Variants in PPP1R9A observed in about 807,000 individuals in gnomAD.
The protein encoded by PPP1R9A is protein phosphatase 1 regulatory subunit 9A, also known as neurabin-1.
In PPP1R9A, 59 loss-of-function variants were observed where a neutral mutation model predicts 141.9. That is an observed-to-expected ratio of 0.42 (90% confidence interval 0.34 to 0.52). The LOEUF (loss-of-function observed/expected upper bound fraction) is 0.52. Ranked by LOEUF, PPP1R9A falls within the 20% of genes least tolerant of loss-of-function variation. PPP1R9A has a pLI of 0.10. For synonymous variants in PPP1R9A, 500 were observed against 569.7 expected (o/e 0.88, Z 1.74); for missense variants, 1,444 against 1,611.9 (o/e 0.90, Z 1.78).
intron 2 of PPP1R9A, among the ~76,000 whole-genome samples, chr7:94,987,036 T>C (rs1800941439): frequency 6.6e-6 from 1 of 152,200 alleles, no homozygotes; most frequent in Non-Finnish European, 1.5e-5. Flanking sequence ...TAACATGAAC[T>C]ATCCAGTTCC....
At chr7:95,000,176 T>C (rs530743774) in intron 2 of PPP1R9A, among the ~76,000 whole-genome samples, 51 of 152,174 alleles carry the variant, frequency 3.4e-4, no homozygotes, top group Non-Finnish European at 6.8e-4. Flanking sequence ...CGGCAAAATT[T>C]TTCATACCCA....
chr7:95,164,454 A>G (rs1004118479), intron 5 of PPP1R9A, among the ~76,000 whole-genome samples: 2 of 151,874 alleles, frequency 1.3e-5, no homozygotes, highest in Middle Eastern at 3.2e-3. Context: ...TCAGACTGTA[A>G]CTAGATCTGT....
At chr7:95,270,332 C>T (rs1371544264) in intron 14 of PPP1R9A, among the ~76,000 whole-genome samples, 2 of 152,134 alleles carry the variant, frequency 1.3e-5, no homozygotes, top group African/African-American at 4.8e-5. Flanking sequence ...TACTTTTGGT[C>T]TATCAAGTTA....
At chr7:95,140,262 G>A (rs1300619662) in intron 4 of PPP1R9A, among the ~76,000 whole-genome samples, 1 of 152,200 alleles carries the variant, frequency 6.6e-6, no homozygotes, top group Non-Finnish European at 1.5e-5. Flanking sequence ...CCTACTGTAT[G>A]AGAGAACAGA....
chr7:94,989,698 C>T (rs565558102), intron 2 of PPP1R9A, among the ~76,000 whole-genome samples: 3 of 152,016 alleles, frequency 2.0e-5, no homozygotes, highest in Non-Finnish European at 4.4e-5. Flanking sequence ...TGAGAACCAT[C>T]GGCTTAATGT....
At chr7:95,247,329 A>G (rs1798245455) in intron 8 of PPP1R9A, 144 bp from the exon 9 acceptor site, 1 of 581,022 alleles carries the variant, frequency 1.7e-6, no homozygotes, top group Non-Finnish European at 3.1e-6. Context: ...TTCACACAGT[A>G]GACACTTTAA....
At chr7:95,246,654 C>T (rs1798156519) in intron 8 of PPP1R9A, among the ~76,000 whole-genome samples, 1 of 152,176 alleles carries the variant, frequency 6.6e-6, no homozygotes, top group Non-Finnish European at 1.5e-5. Context: ...CCAAAAACAT[C>T]TGGCCCCAAG....
At chr7:95,194,674 A>G (rs895464918) in intron 5 of PPP1R9A, among the ~76,000 whole-genome samples, 2 of 151,962 alleles carry the variant, frequency 1.3e-5, no homozygotes, top group African/African-American at 2.4e-5. Flanking sequence ...TTTAAAAACA[A>G]ATAACCAGAA....
At chr7:94,972,905 A>C (rs1408643972) in intron 2 of PPP1R9A, among the ~76,000 whole-genome samples, 2 of 152,192 alleles carry the variant, frequency 1.3e-5, no homozygotes. Flanking sequence ...TCTAAATTTA[A>C]TACACTCTTA....
intron 4 of PPP1R9A, among the ~76,000 whole-genome samples, chr7:95,145,590 G>A (rs1827457600): frequency 6.6e-6 from 1 of 152,210 alleles, no homozygotes; most frequent in South Asian, 2.1e-4. Context: ...CACTTTGAAT[G>A]TCAGTGGTTT....
At chr7:95,030,917 C>T (rs753255523) in intron 2 of PPP1R9A, among the ~76,000 whole-genome samples, 11 of 152,172 alleles carry the variant, frequency 7.2e-5, no homozygotes, top group Non-Finnish European at 1.5e-4. Flanking sequence ...GCCCTTTCCT[C>T]CTGGGGTTTC....
At position 95,272,020 on chromosome 7, in the gene PPP1R9A, C is replaced by T. The variant is rs573018020; in HGVS notation, c.3125-1879C>T. On this transcript the variant is annotated intron_variant, in intron 14 of 19. Transcript: ENST00000433360. Reference sequence around the variant, plus strand: ...GCATTCATTTCAGTGTTCCTGGGAACGCACTTTGGCAAATGTGTGAGATAA... The same window carrying T: ...GCATTCATTTCAGTGTTCCTGGGAATGCACTTTGGCAAATGTGTGAGATAA... 4.6e-5 allele frequency among the ~76,000 whole-genome samples: 7 copies of T among 152,272 alleles called. No homozygotes were observed. The East Asian group carries it at 5.8e-4, about 13-fold the overall frequency.
At chr7:95,274,637 TTTAA>T (rs1441796045) in intron 16 of PPP1R9A, among the ~76,000 whole-genome samples, 1 of 152,210 alleles carries the variant, frequency 6.6e-6, no homozygotes, top group African/African-American at 2.4e-5. Flanking sequence ...CACTTGGCTA[TTTAA>T]TTGATTTTGT....
intron 2 of PPP1R9A, among the ~76,000 whole-genome samples, chr7:94,991,534 T>A (rs371573792): frequency 6.6e-6 from 1 of 152,014 alleles, no homozygotes; most frequent in East Asian, 1.9e-4. Context: ...TAGTTTAATA[T>A]AGTCCCATTT....
intron 2 of PPP1R9A, among the ~76,000 whole-genome samples, chr7:95,068,586 C>CT (rs1367407072): frequency 1.3e-5 from 2 of 150,308 alleles, no homozygotes; most frequent in East Asian, 4.0e-4. Context: ...GATGAAGAAA[C>CT]TGAGGGTCAG....
chr7:95,250,650 T>G (rs934315948), intron 10 of PPP1R9A, among the ~76,000 whole-genome samples: 1 of 152,200 alleles, frequency 6.6e-6, no homozygotes, highest in African/African-American at 2.4e-5. Context: ...GGGGCCTGAA[T>G]CAGGCTGCTC....
intron 2 of PPP1R9A, among the ~76,000 whole-genome samples, chr7:94,978,128 A>G (rs1799683632): frequency 6.6e-6 from 1 of 152,148 alleles, no homozygotes; most frequent in Admixed American, 6.5e-5. Flanking sequence ...AGTGTCTTCA[A>G]AGTAGATTGT....
intron 16 of PPP1R9A, among the ~76,000 whole-genome samples, chr7:95,276,701 T>C (rs1219839759): frequency 2.6e-5 from 4 of 152,172 alleles, no homozygotes; most frequent in Non-Finnish European, 5.9e-5. Flanking sequence ...CATAGTTTTA[T>C]AATTATTAGT....
intron 2 of PPP1R9A, among the ~76,000 whole-genome samples, chr7:95,069,001 C>A (rs1813376390): frequency 6.6e-6 from 1 of 152,132 alleles, no homozygotes; most frequent in South Asian, 2.1e-4. Context: ...TGCATATAAC[C>A]CACACACGTC....
Sources: allele counts gnomAD v4.1 joint callset (sites outside exome capture counted in the v4.1 genomes callset), GRCh38; gene constraint gnomAD v4.1.1; transcripts MANE v1.5; gene names NCBI Gene and HGNC (gene_info 2026-07-23, HGNC 2026-07-21).